The following NPAS3 variants were observed in gnomAD, a reference collection of about 807,000 sequenced individuals.
NPAS3 encodes the protein neuronal PAS domain protein 3.
In NPAS3, 14 loss-of-function variants were observed where a neutral mutation model predicts 73.1. The observed-to-expected ratio is 0.19, with a 90% CI of 0.13 to 0.30. The LOEUF is 0.30. Ranked by LOEUF, NPAS3 falls within the 10% of genes least tolerant of loss-of-function variation. The pLI, the probability that NPAS3 is intolerant of heterozygous loss-of-function variation, is 1.00. For missense variants in NPAS3, 1,096 were observed against 1,250.0 expected (o/e 0.88, Z 1.86); for synonymous variants, 620 against 541.5 (o/e 1.14, Z -2.01).
rs1185742202 is a variant in NPAS3, at chr14:33,800,119, G to C, written c.1812G>C (p.Arg604=). The C allele has an allele frequency of 6.3e-7, 1 of 1,584,024 alleles. No individual in the cohort carries two copies. Among genetic ancestry groups the C allele is most frequent in the African/African-American group, 1.3e-5 (1 of 74,756 alleles). ...AGCACCAGAAGCGCAAGAAAAGGCG[G>C]AAACGGCAAAAGGGCGGCAGCGCCA... The change falls in exon 12 of 12, where the codon CGG becomes CGC. Residue 604 remains arginine (R), a synonymous_variant. Transcript: ENST00000356141. This position sits in a 1 kb window ranked among gnomAD's most constrained non-coding sequence, Gnocchi z 6.5.
rs1239984966 is a variant in NPAS3, at chr14:33,223,843, A to T, written c.385+8417A>T. ...GTGTTCAAAAATGTATGGCAAAAAAAAAAATTTTTTTTTGTTTGTATTTTC... is the reference window on the plus strand; with the variant it reads ...GTGTTCAAAAATGTATGGCAAAAAATAAAATTTTTTTTTGTTTGTATTTTC... On this transcript the variant is annotated intron_variant, in intron 3 of 11. Transcript: ENST00000356141. 3.3e-5 allele frequency among the ~76,000 whole-genome samples: 5 copies of T among 152,076 alleles called. 1 individual carries two copies. Among genetic ancestry groups the T allele is most frequent in the Non-Finnish European group, 7.4e-5 (5 of 68,018 alleles).
chr14:33,799,835 G>C (rs2063631360), exon 12 of NPAS3: 2 of 1,614,090 alleles, frequency 1.2e-6, no homozygotes, highest in East Asian at 2.2e-5. Flanking sequence ...GTGTGACAAC[G>C]ACATGAACTG....
Position 33,308,555 on chromosome 14 carries a change from C to CACACACACAT in NPAS3, c.386-58630_386-58629insCACACACATA, listed in dbSNP as rs1476052874. ...ATACACACACACACACACACACACA[C>CACACACACAT]ATACATACATTATATATATGTATAT... On this transcript the variant is annotated intron_variant, in intron 3 of 11. Coordinates refer to ENST00000356141, the Ensembl canonical transcript of NPAS3. Among the ~76,000 whole-genome samples, 127 of 90,452 alleles carry CACACACACAT rather than the reference C, an allele frequency of 1.4e-3. 1 individual carries two copies. The Middle Eastern group carries it at 0.016, about 12-fold the overall frequency. 59.3% of individuals were successfully genotyped at this position (90,452 alleles called of 152,430 possible). A position where few individuals can be genotyped will look rare whatever the true frequency, so the allele number is the denominator to read the frequency against.
chr14:33,627,381 C>T (rs1200426429), intron 5 of NPAS3, among the ~76,000 whole-genome samples: 3 of 152,090 alleles, frequency 2.0e-5, no homozygotes. Flanking sequence ...AATTTTGGGT[C>T]CTAGCTAAAA....
rs1172195965 is a variant in NPAS3 at position 33,778,363 on chromosome 14, A to C, written c.1047-103A>C. ...CACAGTGCCACCTCCTCACGGGTAC[A>C]GTAGTATAATGAAATGTGTCAGTAG... On this transcript the variant is annotated intron_variant, in intron 8 of 11. Transcript: ENST00000356141. The C allele has an allele frequency of 3.2e-5, 25 of 791,828 alleles. No homozygotes were observed. The East Asian group carries it at 6.4e-4, about 20-fold the overall frequency. The allele number at this position is 791,828 out of a possible 1,614,324, so 49.1% of individuals were successfully genotyped here. A position where few individuals can be genotyped will look rare whatever the true frequency, so the allele number is the denominator to read the frequency against.
chr14:33,571,495 C>T (rs146495827), intron 5 of NPAS3, among the ~76,000 whole-genome samples: 5 of 152,126 alleles, frequency 3.3e-5, no homozygotes, highest in African/African-American at 9.7e-5. Flanking sequence ...TTAAAGGGCA[C>T]ATCTAGCATA....
At chr14:33,670,371 C>T (rs1024601872) in intron 5 of NPAS3, among the ~76,000 whole-genome samples, 3 of 151,932 alleles carry the variant, frequency 2.0e-5, no homozygotes, top group African/African-American at 4.8e-5. Flanking sequence ...TGTAACAGAC[C>T]GAATGCTTTT....
chr14:33,329,806 A>T (rs1242299151), intron 3 of NPAS3, among the ~76,000 whole-genome samples: 1 of 152,102 alleles, frequency 6.6e-6, no homozygotes, highest in Admixed American at 6.6e-5. Flanking sequence ...GAGGATTAAA[A>T]GTGGAGTGTG....
chr14:33,681,778 A>C (rs976897204), intron 6 of NPAS3, among the ~76,000 whole-genome samples: 1 of 152,220 alleles, frequency 6.6e-6, no homozygotes, highest in African/African-American at 2.4e-5. Context: ...AGGGCTCAAA[A>C]TTCACATGGT....
At chr14:33,037,666 G>T (rs530822188) in intron 1 of NPAS3, among the ~76,000 whole-genome samples, 1 of 151,606 alleles carries the variant, frequency 6.6e-6, no homozygotes, top group Non-Finnish European at 1.5e-5. Flanking sequence ...ACCCTGTCTC[G>T]AAAAAGAAGA....
chr14:33,031,084 G>A (rs766596679), intron 1 of NPAS3, among the ~76,000 whole-genome samples: 2 of 152,102 alleles, frequency 1.3e-5, no homozygotes, highest in Non-Finnish European at 2.9e-5. Context: ...ATACATGCAG[G>A]CATTGATTTT....
chr14:33,516,464 A>G (rs1441030655), intron 4 of NPAS3, among the ~76,000 whole-genome samples: 2 of 152,136 alleles, frequency 1.3e-5, no homozygotes, highest in African/African-American at 4.8e-5. Flanking sequence ...GATCGTAGCT[A>G]CGTGATTCTT....
chr14:33,632,052 G>A (rs548934877), intron 5 of NPAS3, among the ~76,000 whole-genome samples: 2 of 152,210 alleles, frequency 1.3e-5, no homozygotes, highest in African/African-American at 4.8e-5. Context: ...ACGATTTCAC[G>A]TTGAAAATAG....
At chr14:33,335,059 T>TGTGC (rs2044163962) in intron 3 of NPAS3, among the ~76,000 whole-genome samples, 2 of 151,942 alleles carry the variant, frequency 1.3e-5, no homozygotes, top group Admixed American at 6.6e-5. Context: ...TGTGTGTGTG[T>TGTGC]GTGTGTGTGT....
chr14:33,647,171 G>GTCTAAGTAT (rs759607650), intron 5 of NPAS3, among the ~76,000 whole-genome samples: 7 of 152,068 alleles, frequency 4.6e-5, no homozygotes, highest in East Asian at 1.9e-4. Flanking sequence ...GAACTAGATA[G>GTCTAAGTAT]TCTAAGTATC....
At chr14:32,958,212 G>A (rs1412340314) in intron 1 of NPAS3, among the ~76,000 whole-genome samples, 1 of 151,914 alleles carries the variant, frequency 6.6e-6, no homozygotes, top group Non-Finnish European at 1.5e-5. Context: ...TAAAATGAAA[G>A]TTCTCTTCCC....
At chr14:33,073,661 A>G (rs2041561743) in intron 2 of NPAS3, among the ~76,000 whole-genome samples, 1 of 152,204 alleles carries the variant, frequency 6.6e-6, no homozygotes. Context: ...GATGGAAACA[A>G]TTTCTATTCA....
At chr14:33,763,723 G>C (rs1376361356) in intron 7 of NPAS3, among the ~76,000 whole-genome samples, 1 of 152,186 alleles carries the variant, frequency 6.6e-6, no homozygotes, top group East Asian at 1.9e-4. Flanking sequence ...AATGCCTTAA[G>C]AGAAGTCTCT....
At chr14:33,560,741 C>A (rs1737852598) in intron 5 of NPAS3, among the ~76,000 whole-genome samples, 1 of 152,104 alleles carries the variant, frequency 6.6e-6, no homozygotes, top group African/African-American at 2.4e-5. Context: ...AATAAGACAG[C>A]TTTTCATTAT....
Sources: allele counts gnomAD v4.1 joint callset (sites outside exome capture counted in the v4.1 genomes callset), GRCh38; gene constraint gnomAD v4.1.1; non-coding constraint Gnocchi (gnomAD v3.1); transcripts MANE v1.5; gene names NCBI Gene and HGNC (gene_info 2026-07-23, HGNC 2026-07-21).